SEMA3E: variants seen among roughly 807,000 people sequenced by gnomAD.
SEMA3E encodes the protein semaphorin 3E.
SEMA3E carries 49 observed loss-of-function variants against 93.6 expected under a neutral mutation model. The ratio of observed to expected loss-of-function variants is 0.52; its 90% confidence interval spans 0.42 to 0.66. SEMA3E has a LOEUF of 0.66. Among genes scored for constraint, SEMA3E ranks in the 30% least tolerant of loss-of-function variants. The pLI, the probability that SEMA3E is intolerant of heterozygous loss-of-function variation, is 0.00. For synonymous variants in SEMA3E, 363 were observed against 330.7 expected (o/e 1.10, Z -1.06); for missense variants, 906 against 964.8 (o/e 0.94, Z 0.81).
At chr7:83,498,280 T>G (rs1304819119) in intron 1 of SEMA3E, among the ~76,000 whole-genome samples, 1 of 152,272 alleles carries the variant, frequency 6.6e-6, no homozygotes, top group Middle Eastern at 3.4e-3. Context: ...GGGTTTAGCA[T>G]CCCTAACTCC....
intron 1 of SEMA3E, among the ~76,000 whole-genome samples, chr7:83,534,647 CT>C (rs1791376760): frequency 6.6e-6 from 1 of 152,150 alleles, no homozygotes; most frequent in Non-Finnish European, 1.5e-5. Context: ...CAAAGCAGGT[CT>C]GTCACTTGTT....
intron 1 of SEMA3E, among the ~76,000 whole-genome samples, chr7:83,513,425 C>T (rs1790863637): frequency 6.6e-6 from 1 of 152,046 alleles, no homozygotes; most frequent in Non-Finnish European, 1.5e-5. Context: ...AAGTTAGAAA[C>T]AACAAAAAAT....
intron 4 of SEMA3E, among the ~76,000 whole-genome samples, chr7:83,459,711 A>C (rs1789569223): frequency 6.6e-6 from 1 of 152,150 alleles, no homozygotes; most frequent in African/African-American, 2.4e-5. Flanking sequence ...ATCCCCTGTG[A>C]CTTGCACGTA....
chr7:83,540,089 G>A (rs2115759626), intron 1 of SEMA3E, among the ~76,000 whole-genome samples: 1 of 152,184 alleles, frequency 6.6e-6, no homozygotes, highest in Non-Finnish European at 1.5e-5. Flanking sequence ...TGCCATGTTG[G>A]CCAGGCTGGT....
intron 2 of SEMA3E, among the ~76,000 whole-genome samples, chr7:83,489,253 C>A (rs1790328465): frequency 6.6e-6 from 1 of 151,644 alleles, no homozygotes; most frequent in African/African-American, 2.4e-5. Context: ...ACAGATATTG[C>A]CTAAAATGAA....
intron 1 of SEMA3E, among the ~76,000 whole-genome samples, chr7:83,593,013 C>T (rs1165749316): frequency 6.6e-6 from 1 of 151,894 alleles, no homozygotes; most frequent in East Asian, 1.9e-4. Flanking sequence ...AGTGCAGTGC[C>T]ACAATTACAG....
chr7:83,519,040 A>G (rs1790990742), intron 1 of SEMA3E, among the ~76,000 whole-genome samples: 1 of 151,998 alleles, frequency 6.6e-6, no homozygotes, highest in Non-Finnish European at 1.5e-5. Flanking sequence ...TTACATATGT[A>G]TACATGTGCC....
At position 83,649,019 on chromosome 7, in the gene SEMA3E, A is replaced by T. The variant is rs73708522; in HGVS notation, c.-477T>A. 1.5e-3 allele frequency: 252 copies of T among 168,598 alleles called. 1 individual carries two copies. Among genetic ancestry groups the T allele is most frequent in the African/African-American group, 5.4e-3 (226 of 41,718 alleles). 10.4% of individuals were successfully genotyped at this position (168,598 alleles called of 1,614,324 possible). On this transcript the variant is annotated 5_prime_UTR_variant, in exon 1 of 17. Coordinates refer to ENST00000643230, the MANE Select transcript of SEMA3E (RefSeq NM_012431.3). ...ACTGACTTGCCAAACTGCTAGTTTTAATTCACCTTTCACCTTGCTAATTAA... is the reference window on the plus strand; with the variant it reads ...ACTGACTTGCCAAACTGCTAGTTTTTATTCACCTTTCACCTTGCTAATTAA...
intron 1 of SEMA3E, among the ~76,000 whole-genome samples, chr7:83,546,154 T>C (rs1428586443): frequency 6.7e-6 from 1 of 149,906 alleles, no homozygotes; most frequent in African/African-American, 2.5e-5. Flanking sequence ...AAAAATTTCA[T>C]GTTTGATAGA....
At chr7:83,604,532 A>G (rs189547477) in intron 1 of SEMA3E, among the ~76,000 whole-genome samples, 1,548 of 134,886 alleles carry the variant, frequency 0.011, 26 homozygotes, top group African/African-American at 0.038. Flanking sequence ...ATATATATGT[A>G]TATATATATA....
chr7:83,647,040 A>C (rs912463776), intron 1 of SEMA3E, among the ~76,000 whole-genome samples: 4 of 152,070 alleles, frequency 2.6e-5, no homozygotes, highest in African/African-American at 9.7e-5. Context: ...AACTTCTTAG[A>C]AATAGGCATT....
At chr7:83,609,473 T>TA (rs754458321) in intron 1 of SEMA3E, among the ~76,000 whole-genome samples, 34 of 152,152 alleles carry the variant, frequency 2.2e-4, no homozygotes, top group South Asian at 4.1e-4. Flanking sequence ...TAACTTATTT[T>TA]AATATTGTAT....
At chr7:83,628,264 A>G (rs1440320615) in intron 1 of SEMA3E, among the ~76,000 whole-genome samples, 1 of 150,962 alleles carries the variant, frequency 6.6e-6, no homozygotes, top group Non-Finnish European at 1.5e-5. Flanking sequence ...CTTCATTTAA[A>G]ACTTGGGGTT....
intron 1 of SEMA3E, among the ~76,000 whole-genome samples, chr7:83,556,571 G>A (rs189954390): frequency 3.0e-4 from 45 of 152,276 alleles, no homozygotes; most frequent in Non-Finnish European, 5.0e-4. Context: ...GTTTAATATA[G>A]TATAAACAGT....
intron 16 of SEMA3E, among the ~76,000 whole-genome samples, chr7:83,378,449 AAAC>A (rs1249843003): frequency 2.6e-5 from 4 of 151,876 alleles, no homozygotes; most frequent in Non-Finnish European, 5.9e-5. Flanking sequence ...AAAGAAAACA[AAAC>A]AAAATTTATT....
At chr7:83,526,702 T>G (rs1791167221) in intron 1 of SEMA3E, among the ~76,000 whole-genome samples, 1 of 152,202 alleles carries the variant, frequency 6.6e-6, no homozygotes, top group Non-Finnish European at 1.5e-5. Flanking sequence ...GCTATTGTTT[T>G]CTATCCCCTT....
intron 4 of SEMA3E, among the ~76,000 whole-genome samples, chr7:83,434,901 G>T (rs10447884): frequency 4.0e-5 from 6 of 151,030 alleles, no homozygotes; most frequent in Non-Finnish European, 8.8e-5. Flanking sequence ...TTTTAGTAGA[G>T]ACGGGGTTTC....
intron 1 of SEMA3E, chr7:83,616,561 A>C (rs1793371136): frequency 6.6e-6 from 2 of 304,674 alleles, no homozygotes; most frequent in South Asian, 5.2e-5. Context: ...CTGTTTTTCA[A>C]AAGTGCAACT....
intron 1 of SEMA3E, among the ~76,000 whole-genome samples, chr7:83,609,340 A>T (rs1300360785): frequency 6.6e-6 from 1 of 152,038 alleles, no homozygotes; most frequent in African/African-American, 2.4e-5. Flanking sequence ...TACTTTAAAC[A>T]CATGTTTAAA....
Sources: allele counts gnomAD v4.1 joint callset (sites outside exome capture counted in the v4.1 genomes callset), GRCh38; gene constraint gnomAD v4.1.1; transcripts MANE v1.5; gene names NCBI Gene and HGNC (gene_info 2026-07-23, HGNC 2026-07-21).